Variants in REST observed in about 807,000 individuals in gnomAD.
REST encodes RE1 silencing transcription factor.
In REST, 1 loss-of-function variant was observed where a neutral mutation model predicts 30.4. That is an observed-to-expected ratio of 0.03 (90% CI 0.01 to 0.16). REST has a LOEUF of 0.16. Among genes scored for constraint, REST ranks in the 10% least tolerant of loss-of-function variants. REST has a pLI of 1.00. For missense variants in REST, 1,259 were observed against 1,329.5 expected (o/e 0.95, Z 0.82); for synonymous variants, 504 against 451.1 (o/e 1.12, Z -1.49).
chr4:56,918,165 T>C (rs532588148), intron 2 of REST, among the ~76,000 whole-genome samples: 1 of 150,970 alleles, frequency 6.6e-6, no homozygotes, highest in East Asian at 1.9e-4. Context: ...GCCTCTAGTC[T>C]TCAGTCCCTG....
At chr4:56,911,772 A>G (rs1340010039) in intron 2 of REST, among the ~76,000 whole-genome samples, 1 of 152,220 alleles carries the variant, frequency 6.6e-6, no homozygotes, top group Non-Finnish European at 1.5e-5. Flanking sequence ...AGGAACAGCC[A>G]AGAGATCTTA....
chr4:56,918,724 C>T (rs1048429534), intron 2 of REST, among the ~76,000 whole-genome samples: 2 of 151,846 alleles, frequency 1.3e-5, no homozygotes, highest in Non-Finnish European at 2.9e-5. Context: ...GGCTGGAGCA[C>T]GGTGGTACAA....
At chr4:56,914,504 G>A (rs2109532757) in intron 2 of REST, among the ~76,000 whole-genome samples, 1 of 152,240 alleles carries the variant, frequency 6.6e-6, no homozygotes, top group African/African-American at 2.4e-5. Context: ...AGAAGTAAAG[G>A]TCAAGCATTA....
Position 56,910,642 on chromosome 4 carries a change from G to T in REST, c.4G>T (p.Ala2Ser). 6.2e-7 allele frequency: 1 copy of T among 1,606,258 alleles called. No homozygotes were observed. Among genetic ancestry groups the T allele is most frequent in the Non-Finnish European group, 8.5e-7 (1 of 1,174,656 alleles). The change falls in exon 2 of 4, where the codon GCC becomes TCC. Residue 2 changes from alanine to serine, a missense_variant. Around this residue, in one of 5 missense-constraint regions of REST, gnomAD observed 249 missense variants for 251.5 expected, o/e 0.99. Transcript: ENST00000309042. The stretch of plus-strand genomic sequence containing the variant: ...GTTTTTAATTCAGAATACAGTTATG[G>T]CCACCCAGGTAATGGGGCAGTCTTC... MATQVMGQSSGG... is the reference protein window; with the variant it reads MSTQVMGQSSGG...
chr4:56,920,232 G>A (rs968229890), intron 3 of REST, among the ~76,000 whole-genome samples: 5 of 151,900 alleles, frequency 3.3e-5, no homozygotes, highest in East Asian at 1.9e-4. Context: ...GAGTCACAAC[G>A]TGTGGTTGAC....
intron 3 of REST, among the ~76,000 whole-genome samples, chr4:56,920,323 G>A (rs959647399): frequency 6.6e-6 from 1 of 150,706 alleles, no homozygotes; most frequent in South Asian, 2.1e-4. Flanking sequence ...GAGCTTTTGA[G>A]GACTGACTGC....
chr4:56,920,551 G>A (rs891149070), intron 3 of REST, among the ~76,000 whole-genome samples: 3 of 151,714 alleles, frequency 2.0e-5, no homozygotes, highest in Non-Finnish European at 4.4e-5. Flanking sequence ...CACCTGAGGC[G>A]GGGTAGTTTG....
rs767425000 is a variant in REST at position 56,931,691 on chromosome 4, T to C, written c.2833T>C (p.Cys945Arg). 1.2e-6 allele frequency: 2 copies of C among 1,614,104 alleles called. No individual in the cohort carries two copies. The highest frequency in any genetic ancestry group is 1.7e-6 in the Non-Finnish European group (2 of 1,180,046). Residue 945 changes from cysteine to arginine, a missense_variant, in exon 4 of 4, where the codon TGT (cysteine) becomes CGT (arginine). By Grantham distance (180) the Cys-to-Arg change is radical. Coordinates refer to ENST00000309042, the MANE Select transcript of REST (RefSeq NM_005612.5). ...TAAACATCAGACTGACAGTATAGTT[T>C]GTGAAATGAAAATGGACACTGATCA... ...NGKHQTDSIV[C>R]EMKMDTDQNT...
Position 56,931,080 on chromosome 4 carries a change from A to G in REST, c.2222A>G (p.Gln741Arg). The G allele has an allele frequency of 1.4e-6, 2 of 1,385,412 alleles. No homozygotes were observed. The highest frequency in any genetic ancestry group is 2.0e-6 in the Non-Finnish European group (2 of 1,001,322). 85.8% of individuals were successfully genotyped at this position (1,385,412 alleles called of 1,614,324 possible). The change falls in exon 4 of 4, where the codon CAG becomes CGG. Residue 741 changes from glutamine to arginine, a missense_variant. By Grantham distance (43) the Gln-to-Arg change is conservative. Transcript: ENST00000309042. ...MELSPPMEVVQKEPVQIELSP... is the reference protein window; with the variant it reads ...MELSPPMEVVRKEPVQIELSP... ...CTGTCTCCTCCCATGGAGGTGGTCC[A>G]GAAGGAGCCTGTTCAGATAGAGCTG...
At chr4:56,926,428 G>T (rs566059377) in intron 3 of REST, among the ~76,000 whole-genome samples, 13 of 150,738 alleles carry the variant, frequency 8.6e-5, no homozygotes, top group Non-Finnish European at 1.3e-4. Flanking sequence ...CCAGGCTGGA[G>T]TGCAGTAGTG....
At position 56,928,753 on chromosome 4, in the gene REST, A is replaced by G. The variant is rs577191082; in HGVS notation, c.983-1088A>G. Among the ~76,000 whole-genome samples the G allele has an allele frequency of 8.1e-4, 119 of 147,184 alleles. 1 individual carries two copies. The highest frequency in any genetic ancestry group is 7.4e-3 in the Middle Eastern group (2 of 270). Reference sequence around the variant, plus strand: ...GGCATGCAACACCACGCCCAGCTAAATTTTTTTATATTTTTAGTAGAGATG... The same window carrying G: ...GGCATGCAACACCACGCCCAGCTAAGTTTTTTTATATTTTTAGTAGAGATG... On this transcript the variant is annotated intron_variant, in intron 3 of 3. Transcript: ENST00000309042.
rs112154711 is a variant in REST, at chr4:56,915,327, C to A, written c.898+3791C>A. ...ATGGCGTGATCTCTGTTCACTGCAA[C>A]CTCTGCCTCCAGGGCTTAAGTGATT... is the stretch of plus-strand genomic sequence containing the variant. On this transcript the variant is annotated intron_variant, in intron 2 of 3. Coordinates refer to ENST00000309042, the MANE Select transcript of REST (RefSeq NM_005612.5). 4.9e-3 allele frequency among the ~76,000 whole-genome samples: 705 copies of A among 144,920 alleles called. 4 individuals are homozygous for A. Among genetic ancestry groups the A allele is most frequent in the African/African-American group, 0.017 (664 of 38,702 alleles).
Position 56,931,012 on chromosome 4 carries a change from T to A in REST, c.2154T>A (p.Ser718=), listed in dbSNP as rs1352387863. 1 of 1,614,114 alleles carries A rather than the reference T, an allele frequency of 6.2e-7. No individual in the cohort carries two copies. Among genetic ancestry groups the A allele is most frequent in the Non-Finnish European group, 8.5e-7 (1 of 1,180,052 alleles). The change falls in exon 4 of 4, where the codon TCT becomes TCA. Residue 718 remains serine, a synonymous_variant. Transcript: ENST00000309042. ...PAQMEVAQVE[S]APMQVVQKEP... Reference sequence around the variant, plus strand: ...AGATGGAGGTTGCCCAGGTAGAATCTGCTCCCATGCAGGTGGTCCAGAAGG... The same window carrying A: ...AGATGGAGGTTGCCCAGGTAGAATCAGCTCCCATGCAGGTGGTCCAGAAGG...
chr4:56,928,475 A>G (rs1432015646), intron 3 of REST, among the ~76,000 whole-genome samples: 15 of 151,338 alleles, frequency 9.9e-5, no homozygotes, highest in Admixed American at 9.2e-4. Context: ...GAGTACAGTA[A>G]CACATTCACA....
At chr4:56,929,242 T>G (rs547132947) in intron 3 of REST, among the ~76,000 whole-genome samples, 141 of 152,238 alleles carry the variant, frequency 9.3e-4, no homozygotes, top group Middle Eastern at 3.4e-3. Context: ...TAATTTTTTT[T>G]GTATTTTTAG....
In REST at chr4:56,935,680, GATAAAA is replaced by G. The variant is rs1721125078; in HGVS notation, c.*3534_*3539del. 6.6e-6 allele frequency: 1 copy of G among 152,118 alleles called. No individual in the cohort carries two copies. The highest frequency in any genetic ancestry group is 2.1e-4 in the South Asian group (1 of 4,836). 9.4% of individuals were successfully genotyped at this position (152,118 alleles called of 1,614,324 possible). The stretch of plus-strand genomic sequence containing the variant: ...GAAGATCTTTTATACATTTGTAATA[GATAAAA>G]ATAAACCAGATTGCAAATCCTTTTT... On this transcript the variant is annotated 3_prime_UTR_variant, in exon 4 of 4. Transcript: ENST00000309042.
At chr4:56,917,569 T>C (rs1720259364) in intron 2 of REST, among the ~76,000 whole-genome samples, 1 of 152,222 alleles carries the variant, frequency 6.6e-6, no homozygotes, top group Admixed American at 6.6e-5. Flanking sequence ...CTTACATTTA[T>C]TGAGGGCTTT....
chr4:56,919,386 A>G (rs907568301), intron 2 of REST, among the ~76,000 whole-genome samples: 2 of 152,086 alleles, frequency 1.3e-5, no homozygotes, highest in Non-Finnish European at 2.9e-5. Context: ...TAAAAAAAAA[A>G]CCTAAAAACC....
chr4:56,914,922 C>CTTTTTTTTTTTTTTTTTTTTTTTTAT (rs10589188), intron 2 of REST, among the ~76,000 whole-genome samples: 2 of 92,116 alleles, frequency 2.2e-5, no homozygotes. Context: ...TTTTTTTTAA[C>CTTTTTTTTTTTTTTTTTTTTTTTTAT]TTTTTTTTTT....
Sources: gnomAD v4.1 joint callset for allele counts (sites outside exome capture counted in the v4.1 genomes callset) on GRCh38, gnomAD v4.1.1 for gene constraint, gnomAD v4.1.1 regional missense constraint, MANE v1.5 for transcripts, NCBI Gene and HGNC (gene_info 2026-07-23, HGNC 2026-07-21) for gene names.